ITGA11: variants seen among roughly 807,000 people sequenced by gnomAD.
ITGA11 encodes integrin alpha-11.
In ITGA11, 97 loss-of-function variants were observed where a neutral mutation model predicts 141.9. The ratio of observed to expected loss-of-function variants is 0.68; its 90% CI spans 0.58 to 0.81. The LOEUF is 0.81. Ranked by LOEUF, ITGA11 falls within the 30% of genes least tolerant of loss-of-function variation. ITGA11 has a pLI of 0.00. For missense variants in ITGA11, 1,387 were observed against 1,559.2 expected, an observed-to-expected ratio of 0.89 and a Z score of 1.86; for synonymous variants, 658 against 624.6, an observed-to-expected ratio of 1.05 and a Z score of -0.80.
intron 1 of ITGA11, among the ~76,000 whole-genome samples, chr15:68,431,050 C>T (rs1409557379): frequency 6.6e-6 from 1 of 152,250 alleles, no homozygotes; most frequent in South Asian, 2.1e-4. Context: ...GGCCAGTAAC[C>T]GAGGCGCTGG....
rs1384152050 is a variant in ITGA11, at chr15:68,325,551, C to T, written c.2212-310G>A. On this transcript the variant is annotated intron_variant, in intron 17 of 29. Coordinates refer to ENST00000315757, the MANE Select transcript of ITGA11 (RefSeq NM_001004439.2). This position sits in a 1 kb window ranked among gnomAD's most constrained non-coding sequence, Gnocchi z 5.5. ...GTACCTCGGCCTCTGGGAAGCCTGG[C>T]AGTGCCCGCCTGTATCCCACCCCAC... Among the ~76,000 whole-genome samples the T allele has an allele frequency of 1.3e-5, 2 of 152,242 alleles. No individual in the cohort carries two copies. Among genetic ancestry groups the T allele is most frequent in the Non-Finnish European group, 2.9e-5 (2 of 68,042 alleles).
At position 68,376,079 on chromosome 15, in the gene ITGA11, T is replaced by C. The variant is rs577984579; in HGVS notation, c.165-6795A>G. Among the ~76,000 whole-genome samples the C allele has an allele frequency of 1.7e-4, 26 of 152,288 alleles. No individual in the cohort carries two copies. The South Asian group carries it at 5.2e-3, about 30-fold the overall frequency. On this transcript the variant is annotated intron_variant, in intron 2 of 29. Transcript: ENST00000315757. ...CCCTCTAGGAGACACTGATGCATGC[T>C]TAAGTTTGAGAAGCATGAGGAGTGT... is the stretch of plus-strand genomic sequence containing the variant.
intron 10 of ITGA11, among the ~76,000 whole-genome samples, chr15:68,343,413 C>T (rs188829150): frequency 5.9e-5 from 9 of 152,288 alleles, no homozygotes; most frequent in Non-Finnish European, 7.4e-5. Context: ...AGCCTTGATT[C>T]GATTTCACAA....
intron 3 of ITGA11, among the ~76,000 whole-genome samples, chr15:68,367,694 T>C (rs1413460000): frequency 6.6e-6 from 1 of 152,156 alleles, no homozygotes; most frequent in Non-Finnish European, 1.5e-5. Flanking sequence ...AATAGTACAG[T>C]GTTTGGTACA....
chr15:68,344,303 G>T (rs1203408688), intron 10 of ITGA11, among the ~76,000 whole-genome samples: 1 of 152,128 alleles, frequency 6.6e-6, no homozygotes, highest in African/African-American at 2.4e-5. Flanking sequence ...CACAGGAGGG[G>T]TTTACAGCTT....
chr15:68,397,926 T>C (rs1896362960), intron 2 of ITGA11, among the ~76,000 whole-genome samples: 1 of 148,912 alleles, frequency 6.7e-6, no homozygotes, highest in African/African-American at 2.5e-5. Flanking sequence ...GAAGGAGAAA[T>C]AAAATACTTT....
intron 1 of ITGA11, among the ~76,000 whole-genome samples, chr15:68,427,960 A>G (rs1897182618): frequency 6.6e-6 from 1 of 152,106 alleles, no homozygotes; most frequent in South Asian, 2.1e-4. Flanking sequence ...ATCAGCAGAG[A>G]TACCATTTTT....
At position 68,308,682 on chromosome 15, in the gene ITGA11, G is replaced by A. The variant is rs371621142; in HGVS notation, c.3175-986C>T. ...CACTTGAACCCGGGAGGCGGAGGTCGCAGTGAGCCGAGATCGTGCCACTGC... is the reference window on the plus strand; with the variant it reads ...CACTTGAACCCGGGAGGCGGAGGTCACAGTGAGCCGAGATCGTGCCACTGC... On this transcript the variant is annotated intron_variant, in intron 26 of 29. Coordinates refer to ENST00000315757, the MANE Select transcript of ITGA11 (RefSeq NM_001004439.2). The surrounding 1 kb of genome is among the most constrained non-coding windows in gnomAD (Gnocchi z 5.2). Among the ~76,000 whole-genome samples the A allele has an allele frequency of 2.6e-5, 4 of 152,194 alleles. No individual in the cohort carries two copies. Among genetic ancestry groups the A allele is most frequent in the Non-Finnish European group, 4.4e-5 (3 of 68,014 alleles).
rs770881658 is a variant in ITGA11 at position 68,332,362 on chromosome 15, C to G, written c.1542G>C (p.Lys514Asn). 6.2e-7 allele frequency: 1 copy of G among 1,608,232 alleles called. No homozygotes were observed. The highest frequency in any genetic ancestry group is 8.5e-7 in the Non-Finnish European group (1 of 1,177,866). Reference sequence around the variant, plus strand: ...CCTGTCTCAGCTCATAGACGTACACCTTGCCTCGCTCACGGCCCTCGTTGA... The same window carrying G: ...CCTGTCTCAGCTCATAGACGTACACGTTGCCTCGCTCACGGCCCTCGTTGA... ...MYFNEGRERGKVYVYELRQNL... is the reference protein window; with the variant it reads ...MYFNEGRERGNVYVYELRQNL... The change falls in exon 13 of 30, where the codon AAG becomes AAC. Residue 514 changes from lysine to asparagine, a missense_variant. By Grantham distance (94) the Lys-to-Asn change is moderately conservative. Coordinates refer to ENST00000315757, the MANE Select transcript of ITGA11 (RefSeq NM_001004439.2).
intron 2 of ITGA11, among the ~76,000 whole-genome samples, chr15:68,392,419 C>T (rs535283870): frequency 1.2e-4 from 19 of 152,132 alleles, no homozygotes; most frequent in Non-Finnish European, 2.6e-4. Flanking sequence ...TGCTGAAGCA[C>T]AGGGAAATGG....
At chr15:68,365,191 A>G (rs1461999196) in intron 3 of ITGA11, 5 of 985,304 alleles carry the variant, frequency 5.1e-6, no homozygotes, top group Non-Finnish European at 6.0e-6. Context: ...GCTTTCTTCC[A>G]AGTTGACCCC....
chr15:68,387,904 G>A (rs1470892268), intron 2 of ITGA11, among the ~76,000 whole-genome samples: 2 of 151,918 alleles, frequency 1.3e-5, no homozygotes, highest in African/African-American at 4.8e-5. Context: ...CATACCTATG[G>A]ACGTTCTGCA....
At position 68,317,361 on chromosome 15, in the gene ITGA11, C is replaced by T. The variant is rs1019466791; in HGVS notation, c.2619G>A (p.Glu873=). Residue 873 remains glutamate (E), a splice_region_variant and synonymous_variant, in exon 21 of 30, where the codon GAG becomes GAA. Transcript: ENST00000315757. ...NLQFASLIQK[E]DSDGSIECVN... is the part of the protein sequence containing the mutation. The stretch of plus-strand genomic sequence containing the variant: ...CACACTCAATGCTACCGTCTGAGTC[C>T]TCCTGGAGGTGGGTGGCAGACATCA... 6.2e-7 allele frequency: 1 copy of T among 1,609,754 alleles called. No homozygotes were observed. The highest frequency in any genetic ancestry group is 1.3e-5 in the African/African-American group (1 of 74,942).
intron 7 of ITGA11, among the ~76,000 whole-genome samples, chr15:68,352,959 G>A (rs1186023006): frequency 6.6e-6 from 1 of 152,186 alleles, no homozygotes; most frequent in Non-Finnish European, 1.5e-5. Context: ...GTCTCACCGA[G>A]GAGTCTGGCC....
intron 4 of ITGA11, chr15:68,361,926 G>A: frequency 2.1e-6 from 1 of 477,650 alleles, no homozygotes. Context: ...TGATCTTGGA[G>A]TCTCTTTCAT....
intron 1 of ITGA11, among the ~76,000 whole-genome samples, chr15:68,426,128 T>A (rs979644440): frequency 1.3e-5 from 2 of 152,222 alleles, no homozygotes; most frequent in Non-Finnish European, 2.9e-5. Flanking sequence ...GCCTCACCTA[T>A]TTCATCTGCT....
rs1895512433 is a variant in ITGA11, at chr15:68,369,164, A to C, written c.265+20T>G. The stretch of plus-strand genomic sequence containing the variant: ...GACAACCGCTGGCCTCATTGTGAAG[A>C]GACCACCAGCCCACGTTACCCAGGT... On this transcript the variant is annotated intron_variant, in intron 3 of 29. Coordinates refer to ENST00000315757, the MANE Select transcript of ITGA11 (RefSeq NM_001004439.2). 1 of 1,583,560 alleles carries C rather than the reference A, an allele frequency of 6.3e-7. No individual in the cohort carries two copies. Among genetic ancestry groups the C allele is most frequent in the Non-Finnish European group, 8.7e-7 (1 of 1,152,266 alleles).
intron 2 of ITGA11, among the ~76,000 whole-genome samples, chr15:68,394,860 A>G (rs77689560): frequency 0.011 from 1,709 of 152,326 alleles, 20 homozygotes; most frequent in African/African-American, 0.038. Context: ...TACTAAAATT[A>G]ACACAAGAAG....
chr15:68,311,230 G>A, intron 25 of ITGA11, 60 bp downstream of exon 25: 1 of 1,310,906 alleles, frequency 7.6e-7, no homozygotes, highest in South Asian at 1.3e-5. Flanking sequence ...GACACACGTA[G>A]GGGGAGTGTC....
Sources: gnomAD v4.1 joint callset for allele counts (sites outside exome capture counted in the v4.1 genomes callset) on GRCh38, gnomAD v4.1.1 for gene constraint, Gnocchi (gnomAD v3.1) non-coding constraint, MANE v1.5 for transcripts, NCBI Gene and HGNC (gene_info 2026-07-23, HGNC 2026-07-21) for gene names.